Variants in STK32B observed in about 807,000 individuals in gnomAD.
STK32B encodes serine/threonine-protein kinase 32B.
STK32B carries 43 observed loss-of-function variants against 52.6 expected under a neutral mutation model. The ratio of observed to expected loss-of-function variants is 0.82; its 90% CI spans 0.64 to 1.05. The LOEUF (loss-of-function observed/expected upper bound fraction) is 1.05, where lower values mean the gene tolerates loss of function less well. STK32B is among the 50% of genes least tolerant of loss of function. The probability of loss-of-function intolerance (pLI) is 0.00; values close to 1 mark genes in which losing one functional copy is unlikely to be tolerated. For missense variants in STK32B, 621 were observed against 534.6 expected, an observed-to-expected ratio of 1.16 and a Z score of -1.59; for synonymous variants, 238 against 204.3, an observed-to-expected ratio of 1.17 and a Z score of -1.41.
intron 8 of STK32B, among the ~76,000 whole-genome samples, chr4:5,459,115 C>A (rs1203456532): frequency 1.3e-5 from 2 of 152,190 alleles, no homozygotes; most frequent in Non-Finnish European, 2.9e-5. Flanking sequence ...TTGGGACAGC[C>A]CCTAAAGAGT....
chr4:5,294,889 G>A (rs1245190750), intron 3 of STK32B, among the ~76,000 whole-genome samples: 2 of 152,096 alleles, frequency 1.3e-5, no homozygotes, highest in Non-Finnish European at 2.9e-5. Flanking sequence ...TGCCCATTCA[G>A]TATGATATTG....
At chr4:5,321,793 G>A (rs1357227298) in intron 3 of STK32B, among the ~76,000 whole-genome samples, 4 of 152,118 alleles carry the variant, frequency 2.6e-5, no homozygotes, top group Non-Finnish European at 5.9e-5. Context: ...ACCTCATCAC[G>A]CGACTGCTCC....
the STK32B span, among the ~76,000 whole-genome samples, chr4:5,038,836 ATATTT>A: frequency 1.2e-4 from 19 of 152,254 alleles, no homozygotes; most frequent in South Asian, 2.9e-3. Flanking sequence ...TTATAAAAAC[ATATTT>A]TATTTCTTTA....
intron 6 of STK32B, among the ~76,000 whole-genome samples, chr4:5,419,295 C>T (rs1195129277): frequency 2.6e-5 from 4 of 152,152 alleles, no homozygotes; most frequent in Non-Finnish European, 5.9e-5. Context: ...TGGCTTTGTT[C>T]TCCTCTCCCA....
chr4:5,320,671 G>C (rs190553627), intron 3 of STK32B, among the ~76,000 whole-genome samples: 1 of 152,164 alleles, frequency 6.6e-6, no homozygotes. Flanking sequence ...CTTAGACACT[G>C]CTGAGGGTAA....
intron 3 of STK32B, among the ~76,000 whole-genome samples, chr4:5,249,505 C>CCTT (rs1725760881): frequency 1.7e-5 from 2 of 115,992 alleles, no homozygotes; most frequent in African/African-American, 7.8e-5. Context: ...CTTCCTTCCT[C>CCTT]CCTCCCTTCC....
intron 6 of STK32B, chr4:5,438,135 T>G: frequency 2.0e-6 from 2 of 984,858 alleles, no homozygotes; most frequent in Non-Finnish European, 2.4e-6. Flanking sequence ...GGGTGCACCC[T>G]GCGCTATTGG....
chr4:5,259,767 A>G (rs1002798311), intron 3 of STK32B, among the ~76,000 whole-genome samples: 3 of 152,100 alleles, frequency 2.0e-5, no homozygotes, highest in Admixed American at 2.0e-4. Flanking sequence ...AACAAGATGC[A>G]CTCTAGTCAG....
chr4:5,455,339 G>A (rs3821927), intron 7 of STK32B, among the ~76,000 whole-genome samples: 8,591 of 152,312 alleles, frequency 0.056, 458 homozygotes, highest in African/African-American at 0.14. Flanking sequence ...GCTCGATCAC[G>A]TGGTGGTGAC....
At chr4:5,252,242 G>T (rs1725985647) in intron 3 of STK32B, among the ~76,000 whole-genome samples, 2 of 152,124 alleles carry the variant, frequency 1.3e-5, no homozygotes, top group African/African-American at 2.4e-5. Flanking sequence ...GTCATTATTG[G>T]CCATAAAAGC....
chr4:5,476,936 G>C (rs927916212), intron 11 of STK32B, among the ~76,000 whole-genome samples: 5 of 151,890 alleles, frequency 3.3e-5, no homozygotes, highest in African/African-American at 1.2e-4. Context: ...CCAGAAACTG[G>C]AAGAGACAAG....
At chr4:5,097,336 T>G (rs532260358) in intron 1 of STK32B, among the ~76,000 whole-genome samples, 4 of 152,358 alleles carry the variant, frequency 2.6e-5, no homozygotes, top group African/African-American at 9.6e-5. Flanking sequence ...TTCTTGTTAT[T>G]CCTTGTATTG....
chr4:5,157,449 T>C (rs1717949737), intron 2 of STK32B, among the ~76,000 whole-genome samples: 1 of 152,190 alleles, frequency 6.6e-6, no homozygotes, highest in Non-Finnish European at 1.5e-5. Flanking sequence ...TGCAGTGACC[T>C]GCAAGGGTGG....
At chr4:5,157,358 T>C (rs369045023) in intron 2 of STK32B, among the ~76,000 whole-genome samples, 2 of 150,864 alleles carry the variant, frequency 1.3e-5, no homozygotes, top group African/African-American at 2.4e-5. Flanking sequence ...ACTGACAGTT[T>C]AGTAGAAGAA....
chr4:5,315,745 C>T (rs971919857), intron 3 of STK32B, among the ~76,000 whole-genome samples: 1 of 149,464 alleles, frequency 6.7e-6, no homozygotes, highest in African/African-American at 2.5e-5. Flanking sequence ...GACTCCAGTG[C>T]CCAGGCTGGA....
chr4:5,029,142 T>C, the STK32B span, among the ~76,000 whole-genome samples: 2 of 152,140 alleles, frequency 1.3e-5, no homozygotes, highest in African/African-American at 4.8e-5. Flanking sequence ...ACATGAGATT[T>C]GGGTGGAGAC....
At chr4:5,181,856 GACA>G (rs1025270578) in intron 3 of STK32B, among the ~76,000 whole-genome samples, 3 of 152,210 alleles carry the variant, frequency 2.0e-5, no homozygotes, top group African/African-American at 7.2e-5. Context: ...CCTAAAATAA[GACA>G]ACAAGAAAGT....
rs1560126444 is a variant in STK32B at position 5,051,724 on chromosome 4, G to T, written c.-140G>T. ...GACGCCGTCCCCGCCCCTGCACGGT[G>T]CTCGGCCCCCTCGGGCTCCGCGCGC... On this transcript the variant is annotated 5_prime_UTR_variant, in exon 1 of 12. Coordinates refer to ENST00000282908, the MANE Select transcript of STK32B (RefSeq NM_018401.3). 1.4e-5 allele frequency: 16 copies of T among 1,144,898 alleles called. No individual in the cohort carries two copies. Among genetic ancestry groups the T allele is most frequent in the Non-Finnish European group, 1.9e-5 (15 of 808,608 alleles). 70.9% of individuals were successfully genotyped at this position (1,144,898 alleles called of 1,614,324 possible).
chr4:5,296,591 T>C (rs1299404508), intron 3 of STK32B, among the ~76,000 whole-genome samples: 1 of 152,194 alleles, frequency 6.6e-6, no homozygotes, highest in Non-Finnish European at 1.5e-5. Context: ...CAACCCCTGC[T>C]GTTTTTTGCT....
Sources: gnomAD v4.1 joint callset for allele counts (sites outside exome capture counted in the v4.1 genomes callset) on GRCh38, gnomAD v4.1.1 for gene constraint, MANE v1.5 for transcripts, NCBI Gene and HGNC (gene_info 2026-07-23, HGNC 2026-07-21) for gene names.